Variants in RORA observed in about 807,000 individuals in gnomAD.
The protein encoded by RORA is RAR related orphan receptor A, also known as nuclear receptor ROR-alpha.
In RORA, 7 loss-of-function variants were observed where a neutral mutation model predicts 69.5. That is an observed-to-expected ratio of 0.10 (90% CI 0.06 to 0.19). RORA has a LOEUF of 0.19. RORA is among the 10% of genes least tolerant of loss of function. RORA has a pLI of 1.00. For missense variants in RORA, 457 were observed against 663.0 expected, an observed-to-expected ratio of 0.69 and a Z score of 3.41; for synonymous variants, 261 against 240.8, an observed-to-expected ratio of 1.08 and a Z score of -0.78.
rs145520063 is a variant in RORA at position 60,869,845 on chromosome 15, G to A, written c.167-191159C>T. On this transcript the variant is annotated intron_variant, in intron 1 of 10. Coordinates refer to ENST00000335670, the MANE Select transcript of RORA (RefSeq NM_134261.3). ...TGCCATCCTCCTCTTGTTCCCTCTGGCTTGGTAGTGCATCACTGTTCTTGC... is the reference window on the plus strand; with the variant it reads ...TGCCATCCTCCTCTTGTTCCCTCTGACTTGGTAGTGCATCACTGTTCTTGC... Among the ~76,000 whole-genome samples, 413 of 152,238 alleles carry A rather than the reference G, an allele frequency of 2.7e-3. 4 individuals carry two copies. The highest frequency in any genetic ancestry group is 4.8e-3 in the Non-Finnish European group (324 of 68,018).
rs1256874678 is a variant in RORA at position 60,759,085 on chromosome 15, A to G, written c.167-80399T>C. Among the ~76,000 whole-genome samples the G allele has an allele frequency of 2.0e-5, 3 of 152,204 alleles. No individual in the cohort carries two copies. The South Asian group carries it at 6.2e-4, about 31-fold the overall frequency. ...AACTGCATCAACCTATTCTAATCCA[A>G]TCAAATGCTGAATGAATAGTCATTA... On this transcript the variant is annotated intron_variant, in intron 1 of 10. Transcript: ENST00000335670.
chr15:61,135,146 TAAAAA>T (rs59644906), intron 1 of RORA, among the ~76,000 whole-genome samples: 1 of 56,582 alleles, frequency 1.8e-5, no homozygotes, highest in Non-Finnish European at 3.6e-5. Context: ...CATCTCTTAC[TAAAAA>T]AAAAAAAAAA....
intron 2 of RORA, among the ~76,000 whole-genome samples, chr15:60,587,823 T>C (rs1424082021): frequency 6.6e-6 from 1 of 152,220 alleles, no homozygotes; most frequent in Non-Finnish European, 1.5e-5. Context: ...ACAAATTTCA[T>C]TCCAAAAAGA....
At chr15:60,630,261 G>T (rs1278769402) in intron 2 of RORA, among the ~76,000 whole-genome samples, 1 of 152,188 alleles carries the variant, frequency 6.6e-6, no homozygotes, top group African/African-American at 2.4e-5. Flanking sequence ...GACCAAAAGG[G>T]CAGTGTTTTA....
In RORA at chr15:60,597,608, A is replaced by ATATATG. The variant is rs1302715985; in HGVS notation, c.197-65758_197-65757insCATATA. 2.5e-4 allele frequency among the ~76,000 whole-genome samples: 12 copies of ATATATG among 47,708 alleles called. 2 individuals are homozygous for ATATATG. The highest frequency in any genetic ancestry group is 4.1e-4 in the Non-Finnish European group (11 of 27,132). The allele number at this position is 47,708 out of a possible 152,430, so 31.3% of individuals were successfully genotyped here. On this transcript the variant is annotated intron_variant, in intron 2 of 10. Coordinates refer to ENST00000335670, the MANE Select transcript of RORA (RefSeq NM_134261.3). Reference sequence around the variant, plus strand: ...TATATATATATACACATATATATATATATATATATACATACATATATATAC... The same window carrying ATATATG: ...TATATATATATACACATATATATATATATATGTATATATATACATACATATATATAC...
chr15:60,830,600 G>A (rs916071930), intron 1 of RORA, among the ~76,000 whole-genome samples: 1 of 152,216 alleles, frequency 6.6e-6, no homozygotes, highest in African/African-American at 2.4e-5. Context: ...CTTAGTGGCT[G>A]ATGCAGATTG....
chr15:61,147,703 G>C lies in RORA; in HGVS notation c.166+81350C>G, dbSNP rs1289912269. The stretch of plus-strand genomic sequence containing the variant: ...TTTCTAAGCCCAAGTGTCCTAGCTG[G>C]AGTTAACCCATGACTTCAGTCCTAA... On this transcript the variant is annotated intron_variant, in intron 1 of 10. Transcript: ENST00000335670. The surrounding 1 kb of genome is among the most constrained non-coding windows in gnomAD (Gnocchi z 4.1). 2.0e-5 allele frequency among the ~76,000 whole-genome samples: 3 copies of C among 152,068 alleles called. No individual in the cohort carries two copies. The highest frequency in any genetic ancestry group is 4.4e-5 in the Non-Finnish European group (3 of 68,022).
chr15:61,055,383 T>C (rs912381513), intron 1 of RORA, among the ~76,000 whole-genome samples: 9 of 152,136 alleles, frequency 5.9e-5, no homozygotes, highest in Non-Finnish European at 1.3e-4. Flanking sequence ...GAGGCCACAG[T>C]GAGAATTAAT....
intron 1 of RORA, among the ~76,000 whole-genome samples, chr15:61,033,942 C>A (rs148604307): frequency 4.5e-4 from 69 of 152,188 alleles, no homozygotes; most frequent in African/African-American, 1.5e-3. Flanking sequence ...ATATTGGTTA[C>A]ATGTTGAAAC....
At chr15:60,943,668 C>A (rs554410275) in intron 1 of RORA, among the ~76,000 whole-genome samples, 1 of 152,052 alleles carries the variant, frequency 6.6e-6, no homozygotes, top group Non-Finnish European at 1.5e-5. Context: ...GTAATCCCAG[C>A]ACTTTGGGAG....
chr15:61,059,013 T>C (rs1038808152), intron 1 of RORA, among the ~76,000 whole-genome samples: 5 of 152,100 alleles, frequency 3.3e-5, no homozygotes, highest in African/African-American at 1.2e-4. Flanking sequence ...AGTGAGGTCA[T>C]CTTTGATTTC....
intron 1 of RORA, among the ~76,000 whole-genome samples, chr15:60,833,687 A>G (rs2073078372): frequency 6.6e-6 from 1 of 152,162 alleles, no homozygotes; most frequent in Admixed American, 6.5e-5. Context: ...CAACACCTCT[A>G]TGAATTTGGC....
At chr15:60,778,781 C>A (rs1348307376) in intron 1 of RORA, among the ~76,000 whole-genome samples, 1 of 152,038 alleles carries the variant, frequency 6.6e-6, no homozygotes, top group Non-Finnish European at 1.5e-5. Context: ...GTCAGGATCC[C>A]TGGAGAGCCT....
rs1025215015 is a variant in RORA, at chr15:61,226,123, G to C, written c.166+2930C>G. 6.6e-6 allele frequency among the ~76,000 whole-genome samples: 1 copy of C among 152,166 alleles called. No homozygotes were observed. The highest frequency in any genetic ancestry group is 1.5e-5 in the Non-Finnish European group (1 of 68,030). ...GGGAGGAATTCAACAGTAGCCTCAA[G>C]TCTACCTAGGTAATGTCTCATGAGG... On this transcript the variant is annotated intron_variant, in intron 1 of 10. Coordinates refer to ENST00000335670, the MANE Select transcript of RORA (RefSeq NM_134261.3). This position sits in a 1 kb window ranked among gnomAD's most constrained non-coding sequence, Gnocchi z 4.2.
At chr15:60,700,236 T>C (rs982798442) in intron 1 of RORA, among the ~76,000 whole-genome samples, 3 of 152,216 alleles carry the variant, frequency 2.0e-5, no homozygotes, top group Non-Finnish European at 2.9e-5. Flanking sequence ...ACAACCCCTC[T>C]TTATTACTCC....
intron 4 of RORA, among the ~76,000 whole-genome samples, chr15:60,513,075 A>G (rs1003472328): frequency 2.0e-5 from 3 of 152,226 alleles, no homozygotes; most frequent in Non-Finnish European, 2.9e-5. Flanking sequence ...TTGGGAACCA[A>G]GGCCCTCACA....
chr15:61,226,396 T>C lies in RORA; in HGVS notation c.166+2657A>G, dbSNP rs1252390103. Among the ~76,000 whole-genome samples the C allele has an allele frequency of 6.6e-6, 1 of 152,230 alleles. No individual in the cohort carries two copies. Among genetic ancestry groups the C allele is most frequent in the Non-Finnish European group, 1.5e-5 (1 of 68,044 alleles). ...TAAGTATTTAAAAGGCATAATCACC[T>C]AGTGTGTAGGTTAATTTCTTTCCGA... is the stretch of plus-strand genomic sequence containing the variant. On this transcript the variant is annotated intron_variant, in intron 1 of 10. Coordinates refer to ENST00000335670, the MANE Select transcript of RORA (RefSeq NM_134261.3). This position sits in a 1 kb window ranked among gnomAD's most constrained non-coding sequence, Gnocchi z 4.2.
intron 1 of RORA, among the ~76,000 whole-genome samples, chr15:61,025,727 A>G (rs1768077413): frequency 6.6e-6 from 1 of 152,232 alleles, no homozygotes; most frequent in African/African-American, 2.4e-5. Flanking sequence ...GTAAAGAATT[A>G]GTGCAGAAAA....
intron 2 of RORA, among the ~76,000 whole-genome samples, chr15:60,540,574 C>CCGCCT (rs72120718): frequency 9.7e-6 from 1 of 102,646 alleles, no homozygotes; most frequent in Non-Finnish European, 1.9e-5. Context: ...ACCCCCCCCC[C>CCGCCT]CCAAAACTGT....
Sources: allele counts gnomAD v4.1 joint callset (sites outside exome capture counted in the v4.1 genomes callset), GRCh38; gene constraint gnomAD v4.1.1; non-coding constraint Gnocchi (gnomAD v3.1); transcripts MANE v1.5; gene names NCBI Gene and HGNC (gene_info 2026-07-23, HGNC 2026-07-21).